SLC26A7: variants seen among roughly 807,000 people sequenced by gnomAD.
SLC26A7 encodes the protein anion exchange transporter.
A neutral mutation model predicts 82.5 loss-of-function variants in SLC26A7; 59 were observed. The ratio of observed to expected loss-of-function variants is 0.72; its 90% CI spans 0.58 to 0.89. The LOEUF (loss-of-function observed/expected upper bound fraction) is 0.89, where lower values mean the gene tolerates loss of function less well. SLC26A7 is among the 40% of genes least tolerant of loss of function. The pLI is 0.00. For missense variants in SLC26A7, 820 were observed against 793.0 expected (o/e 1.03, Z -0.41); for synonymous variants, 271 against 274.3 (o/e 0.99, Z 0.12).
chr8:91,281,837 A>G (rs1020581108), intron 2 of SLC26A7, among the ~76,000 whole-genome samples: 1 of 152,132 alleles, frequency 6.6e-6, no homozygotes, highest in Non-Finnish European at 1.5e-5. Context: ...TCTGGCCACA[A>G]TGATAGTAGT....
intron 5 of SLC26A7, among the ~76,000 whole-genome samples, chr8:91,332,704 A>T (rs954128300): frequency 2.0e-5 from 3 of 150,936 alleles, no homozygotes; most frequent in South Asian, 2.1e-4. Context: ...CTAATTTTTT[A>T]AATTTTTCAT....
chr8:91,238,528 G>A (rs530244115), intron 2 of SLC26A7, among the ~76,000 whole-genome samples: 2 of 148,794 alleles, frequency 1.3e-5, no homozygotes, highest in African/African-American at 4.9e-5. Context: ...CATGAGAAAG[G>A]TTTTATATAT....
At chr8:91,304,722 A>G (rs553729070) in intron 4 of SLC26A7, among the ~76,000 whole-genome samples, 1 of 152,278 alleles carries the variant, frequency 6.6e-6, no homozygotes, top group East Asian at 1.9e-4. Flanking sequence ...AAGGAAACTT[A>G]ATCCATCTAC....
rs1045160814 is a variant in SLC26A7, at chr8:91,228,233, T to C, written c.-34+9228T>C. Among the ~76,000 whole-genome samples the C allele has an allele frequency of 2.0e-5, 3 of 152,206 alleles. No homozygotes were observed. In the South Asian group the frequency reaches 6.2e-4, roughly 32 times the overall value. On this transcript the variant is annotated intron_variant, in intron 2 of 5. Transcript: ENST00000522862. The stretch of plus-strand genomic sequence containing the variant: ...ATGTGCCTTGTTTCTAGATGCATGG[T>C]TGGAGTGAGTGAAGATGGTTAATAC...
intron 15 of SLC26A7, among the ~76,000 whole-genome samples, chr8:91,376,089 G>T (rs1361134909): frequency 6.6e-6 from 1 of 151,608 alleles, no homozygotes; most frequent in South Asian, 2.1e-4. Flanking sequence ...TGTTCTATTT[G>T]GCTTTTATAA....
At chr8:91,394,786 C>A in intron 18 of SLC26A7, 5 of 968,270 alleles carry the variant, frequency 5.2e-6, no homozygotes, top group Admixed American at 3.9e-5. Flanking sequence ...TTTGCCATGA[C>A]CTTATGAGGT....
intron 2 of SLC26A7, among the ~76,000 whole-genome samples, chr8:91,234,495 T>C (rs1217866048): frequency 1.3e-5 from 2 of 150,946 alleles, no homozygotes; most frequent in Non-Finnish European, 3.0e-5. Context: ...TTTTTTTTAA[T>C]AGAAGTGGGG....
At chr8:91,384,961 A>G (rs895185099) in intron 15 of SLC26A7, among the ~76,000 whole-genome samples, 1 of 152,182 alleles carries the variant, frequency 6.6e-6, no homozygotes, top group Non-Finnish European at 1.5e-5. Context: ...TTAAAAAATT[A>G]TGAGTTACTC....
chr8:91,315,752 G>A (rs1812612536), intron 4 of SLC26A7, among the ~76,000 whole-genome samples: 1 of 152,116 alleles, frequency 6.6e-6, no homozygotes, highest in Admixed American at 6.5e-5. Flanking sequence ...AAAATGTAGT[G>A]TGGCCCTTCC....
intron 2 of SLC26A7, among the ~76,000 whole-genome samples, chr8:91,274,817 T>C (rs1424609367): frequency 6.6e-6 from 1 of 152,250 alleles, no homozygotes; most frequent in East Asian, 1.9e-4. Context: ...TTAGCTTTGC[T>C]ACCTGAAGGT....
chr8:91,366,774 A>G (rs959493039), intron 14 of SLC26A7, 57 bp downstream of exon 14: 4 of 1,543,084 alleles, frequency 2.6e-6, no homozygotes, highest in Non-Finnish European at 3.5e-6. Flanking sequence ...TATCATGACA[A>G]TAAAACATGT....
chr8:91,345,864 G>A (rs1015879457), intron 9 of SLC26A7, among the ~76,000 whole-genome samples: 3 of 151,930 alleles, frequency 2.0e-5, no homozygotes. Flanking sequence ...CTTTAATATC[G>A]AGTGTCTGAA....
At chr8:91,365,566 G>T (rs967302168) in intron 13 of SLC26A7, among the ~76,000 whole-genome samples, 2 of 152,080 alleles carry the variant, frequency 1.3e-5, no homozygotes, top group Non-Finnish European at 2.9e-5. Context: ...GCAACTTAAG[G>T]TTTGTTTGTT....
Position 91,289,118 on chromosome 8 carries a change from C to T in SLC26A7, c.194-18C>T, listed in dbSNP as rs762695150. The T allele has an allele frequency of 7.6e-6, 12 of 1,574,964 alleles. No individual in the cohort carries two copies. In the South Asian group the frequency reaches 1.3e-4, roughly 17 times the overall value. On this transcript the variant is annotated intron_variant, in intron 2 of 18. Transcript: ENST00000276609. ...TGGGGTTATAAGGTGGTTTTAATTACCCTAGTCTTCTTCACAGGATTGGCC... is the reference window on the plus strand; with the variant it reads ...TGGGGTTATAAGGTGGTTTTAATTATCCTAGTCTTCTTCACAGGATTGGCC...
intron 5 of SLC26A7, among the ~76,000 whole-genome samples, chr8:91,332,934 G>A (rs1813134944): frequency 6.6e-6 from 1 of 151,920 alleles, no homozygotes; most frequent in Admixed American, 6.6e-5. Context: ...AATATATTCT[G>A]TGCATTTAAT....
At chr8:91,307,872 A>ATT (rs144982867) in intron 4 of SLC26A7, among the ~76,000 whole-genome samples, 1 of 151,880 alleles carries the variant, frequency 6.6e-6, no homozygotes, top group African/African-American at 2.4e-5. Flanking sequence ...CAATTTTTAA[A>ATT]TTTTTTTGTA....
intron 2 of SLC26A7, among the ~76,000 whole-genome samples, chr8:91,227,973 G>C (rs1316517930): frequency 6.6e-6 from 1 of 152,228 alleles, no homozygotes; most frequent in East Asian, 1.9e-4. Context: ...GTGGCCTTGA[G>C]AATGTCCCTA....
chr8:91,295,333 T>C (rs1004724561), intron 3 of SLC26A7, among the ~76,000 whole-genome samples, 198 bp from the exon 4 acceptor site: 3 of 152,160 alleles, frequency 2.0e-5, no homozygotes, highest in African/African-American at 7.2e-5. Context: ...GTTGAATGAA[T>C]AAGCATATAT....
intron 18 of SLC26A7, 192 bp from the exon 19 acceptor site, chr8:91,394,870 A>C (rs911040810): frequency 2.6e-6 from 1 of 377,370 alleles, no homozygotes; most frequent in Admixed American, 6.5e-5. Flanking sequence ...TAAGTGGTAG[A>C]GCTGGTTGCA....
Sources: gnomAD v4.1 joint callset for allele counts (sites outside exome capture counted in the v4.1 genomes callset) on GRCh38, gnomAD v4.1.1 for gene constraint, MANE v1.5 for transcripts, NCBI Gene and HGNC (gene_info 2026-07-23, HGNC 2026-07-21) for gene names.